CCSER1: variants seen among roughly 807,000 people sequenced by gnomAD.
CCSER1 encodes the protein coiled-coil serine rich protein 1.
A neutral mutation model predicts 82.0 loss-of-function variants in CCSER1; 41 were observed. The observed-to-expected ratio is 0.50, with a 90% CI of 0.39 to 0.65. The LOEUF (loss-of-function observed/expected upper bound fraction) is 0.65. Among genes scored for constraint, CCSER1 ranks in the 30% least tolerant of loss-of-function variants. The probability of loss-of-function intolerance (pLI) is 0.00; values close to 1 mark genes in which losing one functional copy is unlikely to be tolerated. For synonymous variants in CCSER1, 414 were observed against 383.9 expected, an observed-to-expected ratio of 1.08 and a Z score of -0.92; for missense variants, 1,119 against 1,064.2, an observed-to-expected ratio of 1.05 and a Z score of -0.72.
chr4:91,065,271 G>A (rs1188372690), intron 9 of CCSER1, among the ~76,000 whole-genome samples: 1 of 152,058 alleles, frequency 6.6e-6, no homozygotes, highest in South Asian at 2.1e-4. Flanking sequence ...GTGGTACAGT[G>A]ATATTCTTGT....
intron 7 of CCSER1, among the ~76,000 whole-genome samples, chr4:90,740,654 A>G (rs868534245): frequency 1.4e-4 from 22 of 152,294 alleles, no homozygotes; most frequent in Middle Eastern, 3.4e-3. Flanking sequence ...ACATACTAAA[A>G]ATAATGGCAT....
chr4:90,716,052 A>G (rs924990990), intron 6 of CCSER1, among the ~76,000 whole-genome samples: 30 of 151,370 alleles, frequency 2.0e-4, no homozygotes, highest in African/African-American at 7.0e-4. Context: ...AGCAAGTTTA[A>G]TAATAATATA....
At chr4:91,412,270 G>A (rs969031376) in intron 10 of CCSER1, among the ~76,000 whole-genome samples, 6 of 151,932 alleles carry the variant, frequency 3.9e-5, no homozygotes, top group African/African-American at 1.5e-4. Context: ...TCAGGGAAGA[G>A]TCACACCCAC....
chr4:90,140,327 A>G (rs528366124), intron 1 of CCSER1, among the ~76,000 whole-genome samples: 6 of 152,268 alleles, frequency 3.9e-5, no homozygotes, highest in African/African-American at 1.4e-4. Context: ...ATATAGCCCT[A>G]GGAATCCTCA....
chr4:90,351,994 G>T (rs1337114820), intron 3 of CCSER1, among the ~76,000 whole-genome samples: 1 of 152,110 alleles, frequency 6.6e-6, no homozygotes, highest in Admixed American at 6.6e-5. Flanking sequence ...TTTATGAGCA[G>T]TGTATCATAT....
chr4:91,386,760 C>G (rs919076823), intron 10 of CCSER1, among the ~76,000 whole-genome samples: 2 of 152,014 alleles, frequency 1.3e-5, no homozygotes, highest in Admixed American at 6.6e-5. Context: ...CACAGCGTCT[C>G]TTATGTATTA....
chr4:90,249,514 C>T (rs1560876551), intron 1 of CCSER1, among the ~76,000 whole-genome samples: 1 of 152,124 alleles, frequency 6.6e-6, no homozygotes, highest in East Asian at 1.9e-4. Context: ...TCTCTCCCAG[C>T]CCTGAGCAAC....
At chr4:91,017,545 T>C (rs1335483134) in intron 9 of CCSER1, among the ~76,000 whole-genome samples, 1 of 152,114 alleles carries the variant, frequency 6.6e-6, no homozygotes, top group Non-Finnish European at 1.5e-5. Flanking sequence ...TATCAGGAAA[T>C]GTATTCTTAA....
intron 1 of CCSER1, among the ~76,000 whole-genome samples, chr4:90,182,189 A>G (rs1324352313): frequency 1.3e-5 from 2 of 152,136 alleles, no homozygotes; most frequent in Non-Finnish European, 2.9e-5. Context: ...TTAGGGTGAA[A>G]TTGAATTGCT....
intron 10 of CCSER1, among the ~76,000 whole-genome samples, chr4:91,359,597 C>T (rs1464797121): frequency 1.3e-5 from 2 of 151,184 alleles, no homozygotes; most frequent in African/African-American, 4.9e-5. Context: ...CAGAAGATAA[C>T]AACAATATCT....
At chr4:90,934,628 T>C (rs1235373118) in intron 9 of CCSER1, among the ~76,000 whole-genome samples, 1 of 152,064 alleles carries the variant, frequency 6.6e-6, no homozygotes, top group African/African-American at 2.4e-5. Context: ...AAGAAGATGC[T>C]ATTAAAAATT....
At chr4:90,637,483 A>G (rs1228433043) in intron 6 of CCSER1, among the ~76,000 whole-genome samples, 8 of 152,176 alleles carry the variant, frequency 5.3e-5, no homozygotes. Context: ...ACCAGGAGGT[A>G]GGGAACATTG....
intron 7 of CCSER1, among the ~76,000 whole-genome samples, chr4:90,748,083 T>C: frequency 6.8e-6 from 1 of 147,520 alleles, no homozygotes; most frequent in Non-Finnish European, 1.5e-5. Flanking sequence ...ATGTGCACAT[T>C]GTGCAGGTTA....
At chr4:91,536,707 T>A (rs1457484640) in intron 10 of CCSER1, among the ~76,000 whole-genome samples, 1 of 152,086 alleles carries the variant, frequency 6.6e-6, no homozygotes, top group African/African-American at 2.4e-5. Context: ...AAAATTTGTC[T>A]TGTCACCAAC....
chr4:90,530,704 T>C lies in CCSER1; in HGVS notation c.1724+62350T>C, dbSNP rs1482203912. ...TGTTAATGAGCATATAGGAAGATCC[T>C]AGGTGAAACCCAGGACAGATACAGT... On this transcript the variant is annotated intron_variant, in intron 5 of 10. Coordinates refer to ENST00000509176, the MANE Select transcript of CCSER1 (RefSeq NM_001145065.2). Among the ~76,000 whole-genome samples, 9 of 152,290 alleles carry C rather than the reference T, an allele frequency of 5.9e-5. No individual in the cohort carries two copies. The East Asian group carries it at 1.7e-3, about 29-fold the overall frequency.
At chr4:90,515,864 G>A (rs992691549) in intron 5 of CCSER1, among the ~76,000 whole-genome samples, 33 of 152,208 alleles carry the variant, frequency 2.2e-4, no homozygotes, top group African/African-American at 7.9e-4. Flanking sequence ...TCTCTATAGG[G>A]TACATAGCTG....
At chr4:90,503,052 G>A (rs138501010) in intron 5 of CCSER1, among the ~76,000 whole-genome samples, 2 of 152,054 alleles carry the variant, frequency 1.3e-5, no homozygotes, top group African/African-American at 4.8e-5. Flanking sequence ...GTACATGGAG[G>A]GAAAAAGAAT....
chr4:91,502,067 G>C (rs1439740108), intron 10 of CCSER1, among the ~76,000 whole-genome samples: 1 of 152,190 alleles, frequency 6.6e-6, no homozygotes, highest in African/African-American at 2.4e-5. Flanking sequence ...GTCCACCAAA[G>C]TTAGGCTCCT....
chr4:90,177,505 A>T (rs1732928491), intron 1 of CCSER1, among the ~76,000 whole-genome samples: 1 of 152,112 alleles, frequency 6.6e-6, no homozygotes. Flanking sequence ...GATGGCGTAC[A>T]CTTAGAGACT....
Sources: gnomAD v4.1 joint callset for allele counts (sites outside exome capture counted in the v4.1 genomes callset) on GRCh38, gnomAD v4.1.1 for gene constraint, MANE v1.5 for transcripts, NCBI Gene and HGNC (gene_info 2026-07-23, HGNC 2026-07-21) for gene names.